Variants in CAST observed in about 807,000 individuals in gnomAD.
CAST encodes the protein MIR583 host.
Under a neutral mutation model 119.6 loss-of-function variants are expected in CAST, and 76 were observed. That is an observed-to-expected ratio of 0.64 (90% CI 0.53 to 0.77). The LOEUF is 0.77. Ranked by LOEUF, CAST falls within the 30% of genes least tolerant of loss-of-function variation. CAST has a pLI of 0.00. For missense variants in CAST, 953 were observed against 946.5 expected (o/e 1.01, Z -0.09); for synonymous variants, 319 against 331.6 (o/e 0.96, Z 0.41).
chr5:96,526,041 C>T (rs1191134766), upstream of CAST, among the ~76,000 whole-genome samples: 1 of 146,608 alleles, frequency 6.8e-6, no homozygotes, highest in African/African-American at 2.5e-5. Flanking sequence ...TTGGTGATGC[C>T]TGCACTAGTA....
chr5:96,221,301 C>T, the CAST span, among the ~76,000 whole-genome samples: 5 of 151,936 alleles, frequency 3.3e-5, no homozygotes, highest in Non-Finnish European at 4.4e-5. Flanking sequence ...AAAGGGCATT[C>T]GAATTGGAAA....
At chr5:95,993,673 G>A in the CAST span, among the ~76,000 whole-genome samples, 1 of 152,006 alleles carries the variant, frequency 6.6e-6, no homozygotes. Flanking sequence ...TTTGTGAAAG[G>A]TACATTAAGA....
At chr5:96,751,169 G>T (rs1019466788) in intron 20 of CAST, among the ~76,000 whole-genome samples, 1 of 152,024 alleles carries the variant, frequency 6.6e-6, no homozygotes. Flanking sequence ...CATGAAGTAT[G>T]ATATTTAAGA....
the CAST span, among the ~76,000 whole-genome samples, chr5:96,135,970 A>G: frequency 1.3e-5 from 2 of 152,084 alleles, no homozygotes; most frequent in African/African-American, 2.4e-5. Context: ...CTGAGGCAGG[A>G]GAATCGCTTG....
the CAST span, among the ~76,000 whole-genome samples, chr5:96,135,204 T>C: frequency 6.6e-6 from 1 of 152,192 alleles, no homozygotes; most frequent in African/African-American, 2.4e-5. Flanking sequence ...TTATTTTACT[T>C]ACTGCTTTAA....
chr5:96,449,343 C>T, the CAST span, among the ~76,000 whole-genome samples: 1 of 152,214 alleles, frequency 6.6e-6, no homozygotes, highest in Non-Finnish European at 1.5e-5. Context: ...AGTAAGCAAC[C>T]ATGCCCACCT....
At chr5:96,132,649 T>G in the CAST span, among the ~76,000 whole-genome samples, 1 of 152,144 alleles carries the variant, frequency 6.6e-6, no homozygotes, top group Non-Finnish European at 1.5e-5. Flanking sequence ...AGTGACAATG[T>G]GTGATAAGGA....
the CAST span, among the ~76,000 whole-genome samples, chr5:96,359,845 C>T: frequency 6.6e-6 from 1 of 151,970 alleles, no homozygotes; most frequent in Non-Finnish European, 1.5e-5. Context: ...AACTTTGTGG[C>T]GTTCTCTGTA....
the CAST span, among the ~76,000 whole-genome samples, chr5:96,073,765 C>T: frequency 2.6e-5 from 4 of 152,208 alleles, no homozygotes; most frequent in African/African-American, 9.7e-5. Flanking sequence ...CATTCACCTG[C>T]TGCCCACCTT....
the CAST span, among the ~76,000 whole-genome samples, chr5:96,388,137 CG>C: frequency 6.6e-6 from 1 of 152,170 alleles, no homozygotes; most frequent in Admixed American, 6.5e-5. Flanking sequence ...TAGAGAGAAC[CG>C]GTATAGAAAC....
At chr5:96,062,851 G>T in the CAST span, among the ~76,000 whole-genome samples, 1 of 152,014 alleles carries the variant, frequency 6.6e-6, no homozygotes, top group African/African-American at 2.4e-5. Context: ...ATGAGGTCTG[G>T]GTCACCCCCC....
the CAST span, chr5:96,423,558 T>C: frequency 9.2e-7 from 1 of 1,089,534 alleles, no homozygotes; most frequent in Non-Finnish European, 1.4e-6. Context: ...TTCTTTTTCC[T>C]TGGGTCACTC....
intron 1 of CAST, among the ~76,000 whole-genome samples, chr5:96,559,255 T>C (rs1013316543): frequency 2.0e-5 from 3 of 152,190 alleles, no homozygotes; most frequent in African/African-American, 7.2e-5. Context: ...AATATCATAC[T>C]GAATGGGCAA....
chr5:96,194,426 A>G, the CAST span, among the ~76,000 whole-genome samples: 1 of 152,184 alleles, frequency 6.6e-6, no homozygotes, highest in South Asian at 2.1e-4. Context: ...ATGGTATCTT[A>G]TGATGTGATG....
At chr5:96,175,886 A>G in the CAST span, among the ~76,000 whole-genome samples, 7 of 152,206 alleles carry the variant, frequency 4.6e-5, no homozygotes, top group African/African-American at 1.7e-4. Flanking sequence ...TACAGAGTTA[A>G]TTCCTTTATG....
intron 2 of CAST, among the ~76,000 whole-genome samples, chr5:96,682,056 G>A (rs998406766): frequency 6.6e-6 from 1 of 152,066 alleles, no homozygotes; most frequent in African/African-American, 2.4e-5. Context: ...ATCTCTTACT[G>A]TGCCTATTTT....
the CAST span, among the ~76,000 whole-genome samples, chr5:96,342,952 T>C: frequency 7.9e-5 from 12 of 152,272 alleles, no homozygotes; most frequent in Non-Finnish European, 1.6e-4. Flanking sequence ...TAATTGAGCA[T>C]TGAGACAAAA....
the CAST span, chr5:96,392,974 T>C: frequency 6.2e-7 from 1 of 1,613,140 alleles, no homozygotes. Flanking sequence ...AGCATGAATA[T>C]TTCCAACTTG....
upstream of CAST, among the ~76,000 whole-genome samples, chr5:96,520,962 G>A (rs1406724985): frequency 6.6e-6 from 1 of 152,132 alleles, no homozygotes; most frequent in Non-Finnish European, 1.5e-5. Flanking sequence ...TCCCATTGTA[G>A]TAGAAAACAC....
Sources: allele counts gnomAD v4.1 joint callset (sites outside exome capture counted in the v4.1 genomes callset), GRCh38; gene constraint gnomAD v4.1.1; transcripts MANE v1.5; gene names NCBI Gene and HGNC (gene_info 2026-07-23, HGNC 2026-07-21).